The following CLCN5 variants were observed in gnomAD, a reference collection of about 807,000 sequenced individuals.
CLCN5 encodes H(+)/Cl(-) exchange transporter 5.
CLCN5 carries 17 observed loss-of-function variants against 54.0 expected under a neutral mutation model. That is an observed-to-expected ratio of 0.31 (90% CI 0.22 to 0.47). CLCN5 has a LOEUF of 0.47. Ranked by LOEUF, CLCN5 falls within the 20% of genes least tolerant of loss-of-function variation. CLCN5 has a pLI of 1.00. For synonymous variants in CLCN5, 222 were observed against 233.0 expected (o/e 0.95, Z 0.43); for missense variants, 448 against 646.7 (o/e 0.69, Z 3.33).
chrX:49,972,298 A>G (rs1928262988), intron 3 of CLCN5, among the ~76,000 whole-genome samples: 1 of 111,252 alleles, frequency 9.0e-6, no homozygotes, highest in Non-Finnish European at 1.9e-5. Context: ...AGTAAATTTA[A>G]CATTGATTAT....
intron 3 of CLCN5, among the ~76,000 whole-genome samples, chrX:49,981,886 C>T (rs1928749660): frequency 9.0e-6 from 1 of 110,788 alleles, no homozygotes; most frequent in African/African-American, 3.3e-5. Context: ...GTACTTTTGC[C>T]TCTGAGTCTT....
chrX:50,072,500 A>C lies in CLCN5; in HGVS notation c.327A>C (p.Lys109Asn). Residue 109 changes from lysine (K) to asparagine (N), a missense_variant, in exon 6 of 15, where the codon AAA becomes AAC. By Grantham distance (94) the Lys-to-Asn change is moderately conservative (BLOSUM62 0). This residue lies in a region of CLCN5 where 41 missense variants were observed against 71.3 expected (regional missense o/e 0.58). Coordinates refer to ENST00000376091, the MANE Select transcript of CLCN5 (RefSeq NM_001127898.4). The stretch of plus-strand genomic sequence containing the variant: ...TCATTTTCCCCTAGATTACCAATAA[A>C]AGCAAAGAGTCAACATGGGCCTTAA... ...DRDRHREITN[K>N]SKESTWALIH... is the part of the protein sequence containing the mutation. The C allele has an allele frequency of 8.3e-7, 1 of 1,202,489 alleles. No individual in the cohort carries two copies.
At chrX:50,066,752 C>T (rs1274132054) in intron 4 of CLCN5, among the ~76,000 whole-genome samples, 1 of 112,010 alleles carries the variant, frequency 8.9e-6, no homozygotes, top group African/African-American at 3.2e-5. Context: ...TAATGAGTAC[C>T]AGAGTTGTTG....
At position 49,928,002 on chromosome X, in the gene CLCN5, G is replaced by C. The variant is rs1287595066; in HGVS notation, c.16+2688G>C. Among the ~76,000 whole-genome samples the C allele has an allele frequency of 2.7e-5, 3 of 111,998 alleles. No homozygotes were observed. The East Asian group carries it at 8.3e-4, about 31-fold the overall frequency. On this transcript the variant is annotated intron_variant, in intron 3 of 14. Transcript: ENST00000376091. ...GTCGAATGGTGGTTTCCAGAGGCTG[G>C]GAAGGGAAGGAGTTTGGGGAATGAA... is the stretch of plus-strand genomic sequence containing the variant.
intron 3 of CLCN5, among the ~76,000 whole-genome samples, chrX:49,938,207 T>A (rs1381959036): frequency 9.0e-6 from 1 of 111,576 alleles, no homozygotes; most frequent in Non-Finnish European, 1.9e-5. Flanking sequence ...AAAATGGCCA[T>A]ACTGCCCAAG....
rs782267188 is a variant in CLCN5 at position 50,045,314 on chromosome X, A to G, written c.163+2852A>G. ...TCATCTGCCTACTTCTACCAAAGAG[A>G]ACTGTGTTAGCATATTGCTTCTGCT... On this transcript the variant is annotated intron_variant, in intron 4 of 14. Coordinates refer to ENST00000376091, the MANE Select transcript of CLCN5 (RefSeq NM_001127898.4). 2.7e-5 allele frequency among the ~76,000 whole-genome samples: 3 copies of G among 111,672 alleles called. No individual in the cohort carries two copies. In the South Asian group the frequency reaches 1.1e-3, roughly 43 times the overall value.
At chrX:50,085,087 A>G (rs1437540121) in intron 9 of CLCN5, among the ~76,000 whole-genome samples, 1 of 111,630 alleles carries the variant, frequency 9.0e-6, no homozygotes, top group Non-Finnish European at 1.9e-5. Flanking sequence ...AGATAATCCT[A>G]TATGCTTATT....
Position 50,042,345 on chromosome X carries a change from G to A in CLCN5, c.46G>A (p.Gly16Arg). Residue 16 changes from glycine (G) to arginine (R), a missense_variant, in exon 4 of 15, where the codon GGG (glycine) becomes AGG (arginine). By Grantham distance (125) the Gly-to-Arg change is moderately radical. Around this residue, in one of 5 missense-constraint regions of CLCN5, gnomAD observed 69 missense variants for 60.9 expected, o/e 1.13. Coordinates refer to ENST00000376091, the MANE Select transcript of CLCN5 (RefSeq NM_001127898.4). Reference sequence around the variant, plus strand: ...CATGGATAACAGAGGCTTTCAGCAGGGGAGTTTTAGTAGCTTCCAGAACAG... The same window carrying A: ...CATGGATAACAGAGGCTTTCAGCAGAGGAGTTTTAGTAGCTTCCAGAACAG... ...GAMDNRGFQQ[G>R]SFSSFQNSSS... 8.5e-7 allele frequency: 1 copy of A among 1,173,372 alleles called. No individual in the cohort carries two copies. The highest frequency in any genetic ancestry group is 1.1e-6 in the Non-Finnish European group (1 of 875,234).
At position 50,019,553 on chromosome X, in the gene CLCN5, T is replaced by G. The variant is rs1218122673; in HGVS notation, c.17-22763T>G. On this transcript the variant is annotated intron_variant, in intron 3 of 14. Transcript: ENST00000376091. Reference sequence around the variant, plus strand: ...CAGGTTAGTTACATATGTATACATGTGCCATGCTGGTGCGCTGCACCCACT... The same window carrying G: ...CAGGTTAGTTACATATGTATACATGGGCCATGCTGGTGCGCTGCACCCACT... 9.8e-5 allele frequency among the ~76,000 whole-genome samples: 6 copies of G among 60,931 alleles called. No individual in the cohort carries two copies. The Admixed American group carries it at 1.2e-3, about 12-fold the overall frequency. 52.9% of individuals were successfully genotyped at this position (60,931 alleles called of 115,157 possible). A position where few individuals can be genotyped will look rare whatever the true frequency, so the allele number is the denominator to read the frequency against.
chrX:50,052,344 A>G (rs1390955409), intron 4 of CLCN5, among the ~76,000 whole-genome samples: 1 of 112,023 alleles, frequency 8.9e-6, no homozygotes, highest in African/African-American at 3.2e-5. Context: ...GATTTTTGAA[A>G]TGTTGCTCCA....
intron 4 of CLCN5, among the ~76,000 whole-genome samples, chrX:50,060,699 G>C (rs188875289): frequency 0.06 from 6,708 of 112,012 alleles, 540 homozygotes; most frequent in African/African-American, 0.21. Context: ...CCACCTTTGG[G>C]GGCAGGGCAC....
intron 7 of CLCN5, among the ~76,000 whole-genome samples, chrX:50,079,536 T>C (rs1361325997): frequency 3.6e-5 from 4 of 112,312 alleles, no homozygotes; most frequent in Admixed American, 1.9e-4. Flanking sequence ...CAAAGCTAGA[T>C]TTCTTTTGTG....
At chrX:50,069,811 C>T (rs966621084) in intron 4 of CLCN5, 68 bp from the exon 5 acceptor site, 52 of 1,113,213 alleles carry the variant, frequency 4.7e-5, no homozygotes, top group Non-Finnish European at 6.1e-5. Flanking sequence ...CCTTTTGGAA[C>T]CAAAAAGAAT....
intron 3 of CLCN5, among the ~76,000 whole-genome samples, chrX:49,941,266 A>G (rs1374078081): frequency 3.6e-5 from 4 of 110,969 alleles, no homozygotes; most frequent in Non-Finnish European, 5.7e-5. Context: ...AAGTTGCAGT[A>G]GCCCAGATCA....
intron 3 of CLCN5, among the ~76,000 whole-genome samples, chrX:49,939,940 A>T (rs913101305): frequency 2.7e-5 from 3 of 111,421 alleles, no homozygotes; most frequent in Non-Finnish European, 3.8e-5. Flanking sequence ...TTAACTCATC[A>T]CCCCAATTCC....
At chrX:49,929,253 A>G (rs1184947822) in intron 3 of CLCN5, among the ~76,000 whole-genome samples, 2 of 111,763 alleles carry the variant, frequency 1.8e-5, no homozygotes, top group Non-Finnish European at 3.8e-5. Context: ...GGCCAACATT[A>G]TTTTGACTTC....
In CLCN5 at chrX:50,090,486, C is replaced by T; in HGVS notation, c.2115C>T (p.Val705=). The change falls in exon 13 of 15, where the codon GTC becomes GTT. Residue 705 remains valine (V), a synonymous_variant. Coordinates refer to ENST00000376091, the MANE Select transcript of CLCN5 (RefSeq NM_001127898.4). ...AGTCCCAAAGACTTGTGGGCTTTGT[C>T]CTCCGAAGAGATCTCATTATTTCAA... ...SRESQRLVGF[V]LRRDLIISIE... is the part of the protein sequence containing the mutation. 1 of 1,207,288 alleles carries T rather than the reference C, an allele frequency of 8.3e-7. No homozygotes were observed.
chrX:50,050,614 A>G (rs1227706382), intron 4 of CLCN5, among the ~76,000 whole-genome samples: 1 of 78,072 alleles, frequency 1.3e-5, no homozygotes, highest in Non-Finnish European at 2.5e-5. Context: ...TCAGATATAT[A>G]TTTTGTAAAT....
intron 3 of CLCN5, chrX:50,013,378 G>A (rs782145985): frequency 1.8e-4 from 62 of 338,489 alleles, no homozygotes; most frequent in Admixed American, 1.5e-3. Flanking sequence ...TGTTTATTGC[G>A]CACTTTTGAT....
Sources: gnomAD v4.1 joint callset for allele counts (sites outside exome capture counted in the v4.1 genomes callset) on GRCh38, gnomAD v4.1.1 for gene constraint, gnomAD v4.1.1 regional missense constraint, MANE v1.5 for transcripts, NCBI Gene and HGNC (gene_info 2026-07-23, HGNC 2026-07-21) for gene names.